ARHGAP32: variants seen among roughly 807,000 people sequenced by gnomAD.
ARHGAP32 encodes rho GTPase-activating protein 32.
Under a neutral mutation model 186.5 loss-of-function variants are expected in ARHGAP32, and 51 were observed. The observed-to-expected ratio is 0.27, with a 90% CI of 0.22 to 0.35. The LOEUF is 0.35. Ranked by LOEUF, ARHGAP32 falls within the 10% of genes least tolerant of loss-of-function variation. ARHGAP32 has a pLI of 1.00. For synonymous variants in ARHGAP32, 950 were observed against 964.3 expected, an observed-to-expected ratio of 0.99 and a Z score of 0.27; for missense variants, 2,186 against 2,623.5, an observed-to-expected ratio of 0.83 and a Z score of 3.64.
intron 10 of ARHGAP32, among the ~76,000 whole-genome samples, chr11:129,055,796 G>A (rs1940227818): frequency 6.6e-6 from 1 of 152,200 alleles, no homozygotes; most frequent in Non-Finnish European, 1.5e-5. Flanking sequence ...AAGCACAGGA[G>A]ATTTTTAGGG....
intron 22 of ARHGAP32, 128 bp from the exon 23 acceptor site, chr11:128,971,287 G>C (rs1945364025): frequency 1.4e-6 from 1 of 719,138 alleles, no homozygotes; most frequent in Admixed American, 2.9e-5. Context: ...CCATGTGGTT[G>C]CAATGAATCT....
At chr11:129,049,754 C>T (rs1939961909) in intron 10 of ARHGAP32, among the ~76,000 whole-genome samples, 1 of 152,186 alleles carries the variant, frequency 6.6e-6, no homozygotes, top group African/African-American at 2.4e-5. Flanking sequence ...TGTATGGACA[C>T]CACCATTTGT....
At chr11:129,103,721 G>A (rs919895992) in intron 5 of ARHGAP32, among the ~76,000 whole-genome samples, 4 of 151,912 alleles carry the variant, frequency 2.6e-5, no homozygotes, top group African/African-American at 9.7e-5. Flanking sequence ...AGAGAGGGGA[G>A]AAGACAAAAA....
chr11:129,063,903 T>G lies in ARHGAP32; in HGVS notation c.884A>C (p.Glu295Ala), dbSNP rs1463889165. The change falls in exon 9 of 23, where the codon GAG becomes GCG. Residue 295 changes from glutamate (E) to alanine (A), a missense_variant and splice_region_variant. Physicochemically the swap from Glu to Ala is moderately radical, Grantham distance 107 (BLOSUM62 -1). Transcript: ENST00000682385. The part of the protein sequence containing the change: ...TARAPDELTL[E>A]VGDIVSVIDM... ...CAAACAACCACTTTAACTATTTACC[T>G]CTAAGGTCAGTTCGTCAGGGGCCCG... 6.2e-7 allele frequency: 1 copy of G among 1,606,712 alleles called. No homozygotes were observed. The highest frequency in any genetic ancestry group is 8.5e-7 in the Non-Finnish European group (1 of 1,177,488).
At chr11:129,256,327 C>G (rs1945253828) in intron 1 of ARHGAP32, among the ~76,000 whole-genome samples, 1 of 152,050 alleles carries the variant, frequency 6.6e-6, no homozygotes, top group African/African-American at 2.4e-5. Context: ...AAAAAAAAGA[C>G]CGCAATTAAT....
intron 10 of ARHGAP32, among the ~76,000 whole-genome samples, chr11:129,059,960 C>T (rs921656431): frequency 1.3e-5 from 2 of 152,130 alleles, no homozygotes; most frequent in Non-Finnish European, 2.9e-5. Context: ...AATAGCATTC[C>T]TATAGGAAAG....
chr11:129,131,605 GCTCA>G (rs559338201), intron 2 of ARHGAP32, among the ~76,000 whole-genome samples: 166 of 151,992 alleles, frequency 1.1e-3, no homozygotes, highest in African/African-American at 3.9e-3. Context: ...GTAAGAACTC[GCTCA>G]CTATGACGAA....
intron 11 of ARHGAP32, among the ~76,000 whole-genome samples, chr11:129,022,229 T>TAA (rs1938624859): frequency 6.6e-6 from 1 of 152,174 alleles, no homozygotes; most frequent in Non-Finnish European, 1.5e-5. Context: ...TTTAATGGTG[T>TAA]AAAAACTCTC....
At chr11:129,235,960 C>T (rs1311178723) in intron 1 of ARHGAP32, among the ~76,000 whole-genome samples, 1 of 150,014 alleles carries the variant, frequency 6.7e-6, no homozygotes, top group African/African-American at 2.5e-5. Flanking sequence ...TTTTCTTTAT[C>T]CACTCATTGG....
Position 128,968,371 on chromosome 11 carries a change from G to A in ARHGAP32, c.*536C>T, listed in dbSNP as rs566401915. On this transcript the variant is annotated 3_prime_UTR_variant, in exon 23 of 23. Coordinates refer to ENST00000682385, the MANE Select transcript of ARHGAP32 (RefSeq NM_001378024.1). The stretch of plus-strand genomic sequence containing the variant: ...TGTCTGACTGACCTTGAAGGATCAG[G>A]GATTTTTCCACGACTCTAACTGAAC... 5 of 152,210 alleles carry A rather than the reference G, an allele frequency of 3.3e-5. No individual in the cohort carries two copies. In the South Asian group the frequency reaches 1.0e-3, roughly 32 times the overall value. 9.4% of individuals were successfully genotyped at this position (152,210 alleles called of 1,614,324 possible).
chr11:128,976,443 T>C (rs987642684), intron 20 of ARHGAP32, 120 bp downstream of exon 20: 6 of 765,174 alleles, frequency 7.8e-6, no homozygotes, highest in Non-Finnish European at 1.3e-5. Flanking sequence ...GACACTAGTA[T>C]TCCTAGGAAA....
intron 1 of ARHGAP32, among the ~76,000 whole-genome samples, chr11:129,209,573 G>C (rs1944554793): frequency 6.6e-6 from 1 of 151,862 alleles, no homozygotes; most frequent in Admixed American, 6.6e-5. Flanking sequence ...GTCAGAAATG[G>C]CTTGGAAGAC....
chr11:129,114,849 T>A (rs1342930028), intron 5 of ARHGAP32, among the ~76,000 whole-genome samples: 1 of 152,104 alleles, frequency 6.6e-6, no homozygotes, highest in Non-Finnish European at 1.5e-5. Context: ...ATTAGTGTTG[T>A]TAGGATCTTT....
rs1384591170 is a variant in ARHGAP32, at chr11:128,971,151, T to A, written c.4062A>T (p.Gly1354=). The A allele has an allele frequency of 6.2e-7, 1 of 1,606,614 alleles. No individual in the cohort carries two copies. Among genetic ancestry groups the A allele is most frequent in the East Asian group, 2.2e-5 (1 of 44,696 alleles). The stretch of plus-strand genomic sequence containing the variant: ...GTGGCCTCTCTGGAACTGGAACTAC[T>A]CCTTGAACCTATTGAAAGATGATAA... The part of the protein sequence containing the change: ...IGLNNSHKVQ[G]VVPVPERPPE... The change falls in exon 23 of 23, where the codon GGA becomes GGT. Residue 1354 remains glycine (G), a synonymous_variant. Transcript: ENST00000682385.
intron 1 of ARHGAP32, among the ~76,000 whole-genome samples, chr11:129,269,393 T>C (rs1319178721): frequency 6.6e-6 from 1 of 152,078 alleles, no homozygotes; most frequent in Non-Finnish European, 1.5e-5. Flanking sequence ...ATCATGATGG[T>C]CTCTCTGGGA....
At chr11:129,058,474 C>T (rs1367374396) in intron 10 of ARHGAP32, among the ~76,000 whole-genome samples, 2 of 152,116 alleles carry the variant, frequency 1.3e-5, no homozygotes, top group Admixed American at 6.5e-5. Flanking sequence ...AGACTGTTGG[C>T]TGGCTTTTCA....
intron 10 of ARHGAP32, among the ~76,000 whole-genome samples, chr11:129,061,235 T>C (rs186138891): frequency 2.0e-5 from 3 of 152,306 alleles, no homozygotes; most frequent in East Asian, 3.9e-4. Flanking sequence ...ACAGGCTATA[T>C]GTTAAGGATA....
At chr11:129,256,421 G>A (rs535292754) in intron 1 of ARHGAP32, among the ~76,000 whole-genome samples, 1 of 152,220 alleles carries the variant, frequency 6.6e-6, no homozygotes, top group East Asian at 1.9e-4. Context: ...ATAACTACAT[G>A]GACATTCTCT....
chr11:129,205,799 T>C (rs1041154236), intron 1 of ARHGAP32, among the ~76,000 whole-genome samples: 6 of 152,206 alleles, frequency 3.9e-5, no homozygotes, highest in Admixed American at 6.5e-5. Context: ...AGTTTTTCAA[T>C]ATATATGCTA....
Sources: gnomAD v4.1 joint callset for allele counts (sites outside exome capture counted in the v4.1 genomes callset) on GRCh38, gnomAD v4.1.1 for gene constraint, MANE v1.5 for transcripts, NCBI Gene and HGNC (gene_info 2026-07-23, HGNC 2026-07-21) for gene names.